The following ACOT8 variants were observed in gnomAD, a reference collection of about 807,000 sequenced individuals.
ACOT8 encodes the protein acyl-coenzyme A thioesterase 8.
A neutral mutation model predicts 38.4 loss-of-function variants in ACOT8; 31 were observed. That is an observed-to-expected ratio of 0.81 (90% CI 0.61 to 1.09). The LOEUF is 1.09. Ranked by LOEUF, ACOT8 falls within the 50% of genes least tolerant of loss-of-function variation. ACOT8 has a pLI of 0.00. For synonymous variants in ACOT8, 158 were observed against 170.3 expected, an observed-to-expected ratio of 0.93 and a Z score of 0.56; for missense variants, 373 against 421.8, an observed-to-expected ratio of 0.88 and a Z score of 1.01.
Position 45,849,575 on chromosome 20 carries a change from T to C in ACOT8, c.263-900A>G, listed in dbSNP as rs183810153. ...AAGCCATGCTCATGCCTCAGCCTCC[T>C]AAGTAGCTGGGACTACAGGCGTGCG... On this transcript the variant is annotated intron_variant, in intron 2 of 5. Coordinates refer to ENST00000217455, the MANE Select transcript of ACOT8 (RefSeq NM_005469.4). Among the ~76,000 whole-genome samples, 234 of 152,058 alleles carry C rather than the reference T, an allele frequency of 1.5e-3. 1 individual carries two copies. The highest frequency in any genetic ancestry group is 4.4e-4 in the Non-Finnish European group (30 of 67,952).
In ACOT8 at chr20:45,841,965, G is replaced by A. The variant is rs978015529; in HGVS notation, c.842-9C>T. On this transcript the variant is annotated splice_polypyrimidine_tract_variant and intron_variant, in intron 5 of 5. Transcript: ENST00000217455. ...CAGCCCCCGAGAGCCACCTGTGGGT[G>A]AGGTGAAGGGTGATGATGGCCTGCT... The A allele has an allele frequency of 2.5e-6, 4 of 1,613,030 alleles. No homozygotes were observed. Among genetic ancestry groups the A allele is most frequent in the Middle Eastern group, 1.7e-4 (1 of 6,060 alleles).
In ACOT8 at chr20:45,843,713, C is replaced by T. The variant is rs748247124; in HGVS notation, c.655G>A (p.Asp219Asn). 2.1e-5 allele frequency: 34 copies of T among 1,605,686 alleles called. No individual in the cohort carries two copies. Among genetic ancestry groups the T allele is most frequent in the East Asian group, 2.0e-4 (9 of 44,620 alleles). ...VRARGYIGEG[D>N]MKMHCCVAAY... ...GCCACGCAGCAGTGCATCTTCATGT[C>T]GCCCTCGCCTGCAACAGGTCCCCAT... Residue 219 changes from aspartate to asparagine, a missense_variant, in exon 5 of 6, where the codon GAC becomes AAC. By Grantham distance (23) the Asp-to-Asn change is conservative (BLOSUM62 1). Transcript: ENST00000217455.
intron 2 of ACOT8, chr20:45,854,034 T>C (rs1484778559): frequency 2.5e-6 from 3 of 1,210,232 alleles, no homozygotes; most frequent in Non-Finnish European, 3.3e-6. Context: ...TTTTTGTTTG[T>C]TTTTTAGCAT....
chr20:45,844,751 T>C (rs1421043058), intron 3 of ACOT8, among the ~76,000 whole-genome samples: 1 of 152,154 alleles, frequency 6.6e-6, no homozygotes, highest in East Asian at 1.9e-4. Context: ...CCCTGTAATA[T>C]GCACTGTTCT....
At chr20:45,848,826 A>G in intron 2 of ACOT8, 151 bp from the exon 3 acceptor site, 1 of 604,164 alleles carries the variant, frequency 1.7e-6, no homozygotes, top group Non-Finnish European at 2.7e-6. Context: ...TACAGAGACC[A>G]CCAGGCCCTG....
rs930439351 is a variant in ACOT8 at position 45,844,402 on chromosome 20, CTT to C, written c.505_506del (p.Lys169GlufsTer17). ...DQYLRDPNLQKRYPLALNRIA... is the reference protein window; with the variant it reads ...DQYLRDPNLQXRYPLALNRIA... Reference sequence around the variant, plus strand: ...TTCGGTTGAGCGCCAATGGGTACCTCTTTTGGAGGTTAGGGTCCCTGAAAGTA... The same window carrying C: ...TTCGGTTGAGCGCCAATGGGTACCTCTTGGAGGTTAGGGTCCCTGAAAGTA... On this transcript the variant is annotated frameshift_variant, in exon 4 of 6. Coordinates refer to ENST00000217455, the MANE Select transcript of ACOT8 (RefSeq NM_005469.4). LOFTEE classifies it high-confidence loss of function. The C allele has an allele frequency of 1.2e-6, 2 of 1,614,062 alleles. No individual in the cohort carries two copies. Among genetic ancestry groups the C allele is most frequent in the African/African-American group, 2.7e-5 (2 of 75,020 alleles).
intron 5 of ACOT8, chr20:45,842,665 C>T: frequency 1.0e-6 from 1 of 989,738 alleles, no homozygotes; most frequent in African/African-American, 1.7e-5. Context: ...TCACTCAGTT[C>T]TCACAGTAGC....
intron 2 of ACOT8, among the ~76,000 whole-genome samples, chr20:45,854,838 G>A (rs774635851): frequency 6.6e-6 from 1 of 152,092 alleles, no homozygotes; most frequent in Non-Finnish European, 1.5e-5. Flanking sequence ...AGCACACTGA[G>A]AACCTAGCAC....
At chr20:45,852,132 A>T (rs1028218420) in intron 2 of ACOT8, among the ~76,000 whole-genome samples, 5 of 151,226 alleles carry the variant, frequency 3.3e-5, no homozygotes, top group African/African-American at 1.2e-4. Flanking sequence ...CCTCCCGAGT[A>T]GCTGGGATCA....
chr20:45,855,381 C>T, intron 1 of ACOT8, 89 bp from the exon 2 acceptor site: 1 of 1,512,360 alleles, frequency 6.6e-7, no homozygotes, highest in Non-Finnish European at 9.0e-7. Flanking sequence ...GATCTCTTCA[C>T]CATATTGGGG....
In ACOT8 at chr20:45,857,297, G is replaced by C. The variant is rs1291675962; in HGVS notation, c.19C>G (p.Pro7Ala). 1.9e-6 allele frequency: 3 copies of C among 1,608,036 alleles called. No homozygotes were observed. The South Asian group carries it at 3.3e-5, about 18-fold the overall frequency. MSSPQA[P>A]EDGQGCGDRG... Reference sequence around the variant, plus strand: ...TCGCCACAGCCCTGCCCATCTTCTGGGGCCTGCGGGGACGACATCTAGTTC... The same window carrying C: ...TCGCCACAGCCCTGCCCATCTTCTGCGGCCTGCGGGGACGACATCTAGTTC... The change falls in exon 1 of 6, where the codon CCA becomes GCA. Residue 7 changes from proline to alanine, a missense_variant. Physicochemically the swap from Pro to Ala is conservative, Grantham distance 27 (BLOSUM62 -1). Coordinates refer to ENST00000217455, the MANE Select transcript of ACOT8 (RefSeq NM_005469.4).
chr20:45,843,418 A>C (rs1019330555), intron 5 of ACOT8, 109 bp downstream of exon 5: 98 of 1,387,318 alleles, frequency 7.1e-5, no homozygotes, highest in Non-Finnish European at 9.3e-5. Flanking sequence ...AAGGAAAGGA[A>C]GTGACCTGTG....
intron 3 of ACOT8, 48 bp downstream of exon 3, chr20:45,848,402 A>C: frequency 8.3e-6 from 12 of 1,448,164 alleles, no homozygotes; most frequent in Non-Finnish European, 1.0e-5. Context: ...ACAAACAGAT[A>C]GCAGCTGCAT....
chr20:45,856,518 AAAAGAAGTT>A (rs370957313), intron 1 of ACOT8, among the ~76,000 whole-genome samples: 10 of 152,238 alleles, frequency 6.6e-5, no homozygotes, highest in African/African-American at 2.4e-4. Flanking sequence ...CGTCTCTACT[AAAAGAAGTT>A]AAAAAATTAG....
intron 4 of ACOT8, 119 bp from the exon 5 acceptor site, chr20:45,843,840 G>T: frequency 6.7e-7 from 1 of 1,481,868 alleles, no homozygotes; most frequent in Non-Finnish European, 8.9e-7. Context: ...GCACAAGAGC[G>T]CTTGGCCTAC....
At position 45,841,961 on chromosome 20, in the gene ACOT8, G is replaced by C. The variant is rs756482650; in HGVS notation, c.842-5C>G. On this transcript the variant is annotated splice_region_variant and splice_polypyrimidine_tract_variant and intron_variant, in intron 5 of 5. Coordinates refer to ENST00000217455, the MANE Select transcript of ACOT8 (RefSeq NM_005469.4). ...GGACCAGCCCCCGAGAGCCACCTGT[G>C]GGTGAGGTGAAGGGTGATGATGGCC... 1 of 1,613,114 alleles carries C rather than the reference G, an allele frequency of 6.2e-7. No individual in the cohort carries two copies. The highest frequency in any genetic ancestry group is 8.5e-7 in the Non-Finnish European group (1 of 1,179,946).
intron 3 of ACOT8, among the ~76,000 whole-genome samples, chr20:45,846,334 C>T (rs197663): frequency 0.069 from 10,535 of 152,206 alleles, 1,224 homozygotes; most frequent in African/African-American, 0.24. Context: ...TGCCATTGTG[C>T]TAGTTAGTAC....
chr20:45,843,921 T>G (rs1367294166), intron 4 of ACOT8, 200 bp from the exon 5 acceptor site: 7 of 1,131,604 alleles, frequency 6.2e-6, no homozygotes, highest in Non-Finnish European at 8.5e-6. Context: ...GGGACTGAAA[T>G]TCAGTCTTCA....
At position 45,841,756 on chromosome 20, in the gene ACOT8, C is replaced by A; in HGVS notation, c.*82G>T. 6.8e-7 allele frequency: 1 copy of A among 1,470,026 alleles called. No individual in the cohort carries two copies. The highest frequency in any genetic ancestry group is 8.9e-7 in the Non-Finnish European group (1 of 1,118,252). The allele number at this position is 1,470,026 out of a possible 1,614,324, so 91.1% of individuals were successfully genotyped here. A position where few individuals can be genotyped will look rare whatever the true frequency, so the allele number is the denominator to read the frequency against. The stretch of plus-strand genomic sequence containing the variant: ...TCAGTCTCTTTATTGGATGTGAGGG[C>A]CAAAAGGGACTGTAACTCCTGTCTC... On this transcript the variant is annotated 3_prime_UTR_variant, in exon 6 of 6. Transcript: ENST00000217455.
Sources: gnomAD v4.1 joint callset for allele counts (sites outside exome capture counted in the v4.1 genomes callset) on GRCh38, gnomAD v4.1.1 for gene constraint, MANE v1.5 for transcripts, NCBI Gene and HGNC (gene_info 2026-07-23, HGNC 2026-07-21) for gene names.